The following DDX11 variants were observed in gnomAD, a reference collection of about 807,000 sequenced individuals.
DDX11 encodes the protein DEAD/H-box helicase 11.
In DDX11, 72 loss-of-function variants were observed where a neutral mutation model predicts 125.2. The ratio of observed to expected loss-of-function variants is 0.58; its 90% CI spans 0.48 to 0.70. DDX11 has a LOEUF of 0.70. DDX11 is among the 30% of genes least tolerant of loss of function. The pLI is 0.00. For synonymous variants in DDX11, 347 were observed against 452.6 expected, an observed-to-expected ratio of 0.77 and a Z score of 2.96; for missense variants, 883 against 1,165.0, an observed-to-expected ratio of 0.76 and a Z score of 3.52.
At chr12:31,098,643 G>GCTT (rs1349068283) in intron 18 of DDX11, among the ~76,000 whole-genome samples, 2 of 152,146 alleles carry the variant, frequency 1.3e-5, no homozygotes, top group African/African-American at 2.4e-5. Flanking sequence ...CCTACCTAGC[G>GCTT]AAGGGCCTCC....
intron 1 of DDX11, among the ~76,000 whole-genome samples, chr12:31,076,677 T>A (rs1297437197): frequency 2.0e-5 from 3 of 152,248 alleles, no homozygotes; most frequent in Non-Finnish European, 4.4e-5. Flanking sequence ...GTAGAGTGTT[T>A]AACACATAGG....
At chr12:31,086,739 C>A (rs1344400415) in intron 5 of DDX11, among the ~76,000 whole-genome samples, 16 of 148,372 alleles carry the variant, frequency 1.1e-4, no homozygotes, top group Admixed American at 1.1e-3. Flanking sequence ...GCTTCCCATG[C>A]CCTCACGTTT....
chr12:31,095,792 TCC>T (rs1329328999), intron 14 of DDX11, among the ~76,000 whole-genome samples: 1 of 152,046 alleles, frequency 6.6e-6, no homozygotes, highest in Admixed American at 6.5e-5. Context: ...CCCCTCTTCT[TCC>T]CATGGGTCTC....
intron 2 of DDX11, among the ~76,000 whole-genome samples, chr12:31,083,320 A>C (rs1271124964): frequency 6.8e-6 from 1 of 147,098 alleles, no homozygotes. Flanking sequence ...CTTAAAAAAA[A>C]AAAAACAAAA....
At chr12:31,087,452 G>A in intron 5 of DDX11, 3 of 312,388 alleles carry the variant, frequency 9.6e-6, no homozygotes, top group Non-Finnish European at 1.3e-5. Context: ...CTGTGTCAGA[G>A]CAGCCAGGCC....
intron 1 of DDX11, among the ~76,000 whole-genome samples, chr12:31,075,619 C>G (rs1176946230): frequency 6.6e-6 from 1 of 152,154 alleles, no homozygotes; most frequent in Non-Finnish European, 1.5e-5. Context: ...AATAGGTATT[C>G]AAGTCATGGG....
intron 3 of DDX11, 103 bp downstream of exon 3, chr12:31,084,164 G>A (rs923961166): frequency 1.2e-5 from 18 of 1,490,340 alleles, no homozygotes; most frequent in Middle Eastern, 1.7e-4. Flanking sequence ...CTCCCCTGCC[G>A]TTGCCGTGCC....
intron 2 of DDX11, among the ~76,000 whole-genome samples, chr12:31,081,373 C>A (rs1239646795): frequency 1.3e-5 from 2 of 152,242 alleles, no homozygotes; most frequent in Non-Finnish European, 2.9e-5. Flanking sequence ...ATGCCCTTCC[C>A]CGCCGTGGAT....
At position 31,083,855 on chromosome 12, in the gene DDX11, C is replaced by T. The variant is rs1942504493; in HGVS notation, c.187C>T (p.Arg63Cys). The change falls in exon 3 of 27, where the codon CGT becomes TGT. Residue 63 changes from arginine to cysteine, a missense_variant. By Grantham distance (180) the Arg-to-Cys change is radical. Transcript: ENST00000542838. ...SLICGALSWL[R>C]DFEQKKREEE... ...TATTTGTGGGGCCCTCTCTTGGCTCCGTGACTTTGAACAGAAGAAGCGTGA... is the reference window on the plus strand; with the variant it reads ...TATTTGTGGGGCCCTCTCTTGGCTCTGTGACTTTGAACAGAAGAAGCGTGA... The T allele has an allele frequency of 3.7e-6, 6 of 1,612,404 alleles. No individual in the cohort carries two copies. Among genetic ancestry groups the T allele is most frequent in the East Asian group, 4.5e-5 (2 of 44,880 alleles).
chr12:31,076,495 G>T (rs1210144516), intron 1 of DDX11, among the ~76,000 whole-genome samples: 8 of 152,146 alleles, frequency 5.3e-5, no homozygotes, highest in Admixed American at 5.2e-4. Context: ...TCTTGCAACC[G>T]GATGAGCTTC....
chr12:31,074,879 G>A (rs1312575630), intron 1 of DDX11, among the ~76,000 whole-genome samples: 4 of 152,232 alleles, frequency 2.6e-5, no homozygotes, highest in Non-Finnish European at 5.9e-5. Context: ...CATAAACTGG[G>A]TGGCTTAGAC....
chr12:31,076,711 A>G (rs1476724018), intron 1 of DDX11, among the ~76,000 whole-genome samples: 2 of 152,114 alleles, frequency 1.3e-5, no homozygotes, highest in African/African-American at 4.8e-5. Context: ...TTTGTTAGGT[A>G]CCTTTCTTCC....
intron 1 of DDX11, chr12:31,074,474 G>C (rs570358263): frequency 7.9e-5 from 12 of 152,240 alleles, no homozygotes; most frequent in Non-Finnish European, 1.3e-4. Context: ...GCTTCCCCCA[G>C]GGCGGGAATC....
At chr12:31,101,568 A>G (rs1346994231) in intron 20 of DDX11, 16 of 537,872 alleles carry the variant, frequency 3.0e-5, no homozygotes, top group Non-Finnish European at 5.4e-5. Flanking sequence ...ACTCAGTGCC[A>G]GGGCAATAGG....
In DDX11 at chr12:31,093,318, C is replaced by T. The variant is rs749525293; in HGVS notation, c.1363C>T (p.Leu455=). 1 of 1,613,754 alleles carries T rather than the reference C, an allele frequency of 6.2e-7. No homozygotes were observed. The highest frequency in any genetic ancestry group is 8.5e-7 in the Non-Finnish European group (1 of 1,179,778). The change falls in exon 12 of 27, where the codon CTA becomes TTA. Residue 455 remains leucine, a synonymous_variant. Coordinates refer to ENST00000542838, the MANE Select transcript of DDX11 (RefSeq NM_030653.4). ...TTTGCTGGAGAAATTCGTGGCTGTG[C>T]TAGGGGGTGAGAGCCTCGTCCCCCT... is the stretch of plus-strand genomic sequence containing the variant. The part of the protein sequence containing the change: ...LYLLEKFVAV[L]GGNIKQNPNT...
At chr12:31,099,878 T>C (rs1391609974) in intron 18 of DDX11, among the ~76,000 whole-genome samples, 1 of 152,166 alleles carries the variant, frequency 6.6e-6, no homozygotes, top group Non-Finnish European at 1.5e-5. Context: ...TACTAGCTTA[T>C]CCTTTCAGTC....
chr12:31,089,022 C>G (rs77175335), intron 6 of DDX11, 22 bp from the exon 7 acceptor site: 1 of 1,369,716 alleles, frequency 7.3e-7, no homozygotes, highest in Admixed American at 1.7e-5. Flanking sequence ...CTCTTTGAAG[C>G]GCCTTTCTTT....
rs778237230 is a variant in DDX11, at chr12:31,102,227, C to G, written c.2203-16C>G. The stretch of plus-strand genomic sequence containing the variant: ...CCCTGAACCTGTCTCTGGGAAATGT[C>G]CTCTGTCTTTCTCAGATATTCCAGG... On this transcript the variant is annotated splice_polypyrimidine_tract_variant and intron_variant, in intron 21 of 26. Coordinates refer to ENST00000542838, the MANE Select transcript of DDX11 (RefSeq NM_030653.4). 9 of 1,612,358 alleles carry G rather than the reference C, an allele frequency of 5.6e-6. No individual in the cohort carries two copies. The Middle Eastern group carries it at 5.0e-4, about 89-fold the overall frequency.
In DDX11 at chr12:31,104,354, G is replaced by A; in HGVS notation, c.*518G>A. 1 of 341,080 alleles carries A rather than the reference G, an allele frequency of 2.9e-6. No individual in the cohort carries two copies. The highest frequency in any genetic ancestry group is 4.3e-5 in the Admixed American group (1 of 22,992). 21.1% of individuals were successfully genotyped at this position (341,080 alleles called of 1,614,324 possible). A position where few individuals can be genotyped will look rare whatever the true frequency, so the allele number is the denominator to read the frequency against. ...TTGTCACCTTCCCCTCCTCCTTCCT[G>A]AGTCACTCCTTCAGTAGAAGGCCCT... On this transcript the variant is annotated 3_prime_UTR_variant, in exon 27 of 27. Transcript: ENST00000542838.
Sources: allele counts gnomAD v4.1 joint callset (sites outside exome capture counted in the v4.1 genomes callset), GRCh38; gene constraint gnomAD v4.1.1; transcripts MANE v1.5; gene names NCBI Gene and HGNC (gene_info 2026-07-23, HGNC 2026-07-21).